SLC4A10: variants seen among roughly 807,000 people sequenced by gnomAD.
SLC4A10 encodes the protein solute carrier family 4 member 10, also known as sodium-driven chloride bicarbonate exchanger.
Under a neutral mutation model 137.7 loss-of-function variants are expected in SLC4A10, and 42 were observed. The observed-to-expected ratio is 0.30, with a 90% CI of 0.24 to 0.39. The LOEUF (loss-of-function observed/expected upper bound fraction) is 0.39. Ranked by LOEUF, SLC4A10 falls within the 10% of genes least tolerant of loss-of-function variation. SLC4A10 has a pLI of 1.00. For missense variants in SLC4A10, 925 were observed against 1,355.0 expected (o/e 0.68, Z 4.98); for synonymous variants, 474 against 464.1 (o/e 1.02, Z -0.27).
chr2:161,730,355 G>A (rs2046688932), intron 1 of SLC4A10, among the ~76,000 whole-genome samples: 1 of 151,998 alleles, frequency 6.6e-6, no homozygotes, highest in South Asian at 2.1e-4. Context: ...GAAATAATAG[G>A]GAGACAGATT....
In SLC4A10 at chr2:161,957,117, G is replaced by T; in HGVS notation, c.2670G>T (p.Leu890=). The T allele has an allele frequency of 6.2e-7, 1 of 1,613,592 alleles. No individual in the cohort carries two copies. Among genetic ancestry groups the T allele is most frequent in the Non-Finnish European group, 8.5e-7 (1 of 1,179,812 alleles). ...LSITHVNSLK[L]ESECSAPGEQ... ...TCACTCATGTCAATAGCCTAAAACT[G>T]GAATCAGAATGCTCAGCTCCAGGAG... Residue 890 remains leucine (L), a synonymous_variant, in exon 20 of 27, where the codon CTG becomes CTT. Coordinates refer to ENST00000446997, the MANE Select transcript of SLC4A10 (RefSeq NM_001178015.2).
At chr2:161,690,286 C>T (rs536587557) in intron 1 of SLC4A10, among the ~76,000 whole-genome samples, 2 of 152,162 alleles carry the variant, frequency 1.3e-5, no homozygotes, top group South Asian at 4.1e-4. Context: ...ATTAAAACGT[C>T]AAGAAACAAC....
At chr2:161,973,812 G>C (rs989812363) in intron 23 of SLC4A10, among the ~76,000 whole-genome samples, 1 of 152,274 alleles carries the variant, frequency 6.6e-6, no homozygotes, top group Non-Finnish European at 1.5e-5. Context: ...AAGCCCATCA[G>C]GGGATTCCGA....
intron 1 of SLC4A10, among the ~76,000 whole-genome samples, chr2:161,680,045 T>C (rs2105846513): frequency 6.6e-6 from 1 of 152,246 alleles, no homozygotes; most frequent in African/African-American, 2.4e-5. Flanking sequence ...CATGCCTTTG[T>C]CTATGGTGTT....
At chr2:161,829,359 C>CA (rs1319706833) in intron 3 of SLC4A10, among the ~76,000 whole-genome samples, 1 of 152,104 alleles carries the variant, frequency 6.6e-6, no homozygotes, top group Non-Finnish European at 1.5e-5. Flanking sequence ...AAAGTACAGC[C>CA]AGGCTGAAGA....
chr2:161,642,196 G>A (rs2105495961), intron 1 of SLC4A10, among the ~76,000 whole-genome samples: 1 of 152,002 alleles, frequency 6.6e-6, no homozygotes, highest in East Asian at 1.9e-4. Context: ...GTATCTTAAT[G>A]TAAAAATATC....
Position 161,905,879 on chromosome 2 carries a change from A to C in SLC4A10, c.1989A>C (p.Thr663=), listed in dbSNP as rs1451740858. The C allele has an allele frequency of 1.9e-6, 3 of 1,608,608 alleles. No homozygotes were observed. Among genetic ancestry groups the C allele is most frequent in the Non-Finnish European group, 2.5e-6 (3 of 1,176,926 alleles). ...INMHNDLELL[T]QYSCNCVEPH... is the part of the protein sequence containing the mutation. The stretch of plus-strand genomic sequence containing the variant: ...TGCATAATGATCTGGAACTGCTGAC[A>C]CAATACTCGTAAGTACCATTTCCCC... The change falls in exon 15 of 27, where the codon ACA becomes ACC. Residue 663 remains threonine, a synonymous_variant. Coordinates refer to ENST00000446997, the MANE Select transcript of SLC4A10 (RefSeq NM_001178015.2).
At chr2:161,938,423 G>A (rs574955259) in intron 15 of SLC4A10, among the ~76,000 whole-genome samples, 87 of 151,960 alleles carry the variant, frequency 5.7e-4, no homozygotes, top group Non-Finnish European at 1.0e-3. Flanking sequence ...TATACAAATG[G>A]TGAGGATTCA....
intron 4 of SLC4A10, among the ~76,000 whole-genome samples, chr2:161,843,694 A>T (rs2059329058): frequency 6.6e-6 from 1 of 152,120 alleles, no homozygotes; most frequent in African/African-American, 2.4e-5. Flanking sequence ...ACTCCATCTG[A>T]TTTTTCACAT....
At chr2:161,719,075 C>T (rs919895649) in intron 1 of SLC4A10, among the ~76,000 whole-genome samples, 9 of 151,988 alleles carry the variant, frequency 5.9e-5, no homozygotes, top group African/African-American at 1.9e-4. Flanking sequence ...CACAACAGTC[C>T]CCAGAGTGTG....
chr2:161,758,680 A>G (rs1016439710), intron 1 of SLC4A10, among the ~76,000 whole-genome samples: 1 of 152,028 alleles, frequency 6.6e-6, no homozygotes, highest in African/African-American at 2.4e-5. Flanking sequence ...GATTATTACA[A>G]ACTTACAAAG....
intron 8 of SLC4A10, among the ~76,000 whole-genome samples, chr2:161,878,831 A>G (rs2061584539): frequency 6.6e-6 from 1 of 152,140 alleles, no homozygotes; most frequent in Non-Finnish European, 1.5e-5. Flanking sequence ...ATAGTTATTT[A>G]ACTGAACTCA....
chr2:161,758,328 A>G (rs1488994068), intron 1 of SLC4A10, among the ~76,000 whole-genome samples: 1 of 151,932 alleles, frequency 6.6e-6, no homozygotes, highest in African/African-American at 2.4e-5. Flanking sequence ...TACCTGAAAT[A>G]CAGTATTTTT....
chr2:161,624,707 C>A, intron 1 of SLC4A10, 141 bp downstream of exon 1: 1 of 1,134,902 alleles, frequency 8.8e-7, no homozygotes, highest in Non-Finnish European at 1.3e-6. Flanking sequence ...GGTCTCCTCC[C>A]ATCTTGGGAG....
chr2:161,780,877 A>G (rs757057327), intron 2 of SLC4A10, among the ~76,000 whole-genome samples: 2 of 152,080 alleles, frequency 1.3e-5, no homozygotes, highest in African/African-American at 2.4e-5. Flanking sequence ...TAATATGTTT[A>G]ATAAAAAATA....
chr2:161,876,165 A>G (rs1339500455), intron 8 of SLC4A10, among the ~76,000 whole-genome samples: 1 of 152,188 alleles, frequency 6.6e-6, no homozygotes, highest in East Asian at 1.9e-4. Context: ...GAGTGTAAAT[A>G]CAGACCCAGA....
chr2:161,909,249 A>C (rs72865255), intron 15 of SLC4A10, among the ~76,000 whole-genome samples: 10,184 of 152,152 alleles, frequency 0.067, 443 homozygotes, highest in East Asian at 0.13. Flanking sequence ...AAAATTAAAT[A>C]TATAAAAAAA....
chr2:161,974,388 A>C (rs1057151714), intron 24 of SLC4A10, 72 bp downstream of exon 24: 148 of 1,245,258 alleles, frequency 1.2e-4, no homozygotes, highest in Non-Finnish European at 1.5e-4. Context: ...AGAATTTCAT[A>C]CTGTGTAGAT....
At chr2:161,652,428 C>T (rs902763256) in intron 1 of SLC4A10, among the ~76,000 whole-genome samples, 13 of 151,232 alleles carry the variant, frequency 8.6e-5, no homozygotes, top group African/African-American at 2.7e-4. Flanking sequence ...AAAAGATATA[C>T]ACACACACAC....
Sources: gnomAD v4.1 joint callset for allele counts (sites outside exome capture counted in the v4.1 genomes callset) on GRCh38, gnomAD v4.1.1 for gene constraint, MANE v1.5 for transcripts, NCBI Gene and HGNC (gene_info 2026-07-23, HGNC 2026-07-21) for gene names.